Variants in NCKAP5 observed in about 807,000 individuals in gnomAD.
The protein encoded by NCKAP5 is NCK associated protein 5, also known as nck-associated protein 5.
Under a neutral mutation model 167.0 loss-of-function variants are expected in NCKAP5, and 92 were observed. The ratio of observed to expected loss-of-function variants is 0.55; its 90% CI spans 0.47 to 0.66. The LOEUF (loss-of-function observed/expected upper bound fraction) is 0.66, where lower values mean the gene tolerates loss of function less well. Ranked by LOEUF, NCKAP5 falls within the 30% of genes least tolerant of loss-of-function variation. The pLI, the probability that NCKAP5 is intolerant of heterozygous loss-of-function variation, is 0.00. For missense variants in NCKAP5, 2,378 were observed against 2,315.0 expected, an observed-to-expected ratio of 1.03 and a Z score of -0.56; for synonymous variants, 891 against 877.4, an observed-to-expected ratio of 1.02 and a Z score of -0.27.
chr2:132,974,124 G>C (rs1454515867), intron 7 of NCKAP5, among the ~76,000 whole-genome samples: 2 of 152,076 alleles, frequency 1.3e-5, no homozygotes, highest in Admixed American at 6.6e-5. Context: ...GCACTGTAGG[G>C]GGAAAAACTC....
chr2:133,471,545 G>C (rs1290345996), intron 3 of NCKAP5, among the ~76,000 whole-genome samples: 2 of 152,088 alleles, frequency 1.3e-5, no homozygotes, highest in Admixed American at 1.3e-4. Context: ...GAGGGGGGAA[G>C]CAAGCAGGCA....
At chr2:132,778,219 C>T (rs916862240) in intron 15 of NCKAP5, among the ~76,000 whole-genome samples, 10 of 151,910 alleles carry the variant, frequency 6.6e-5, no homozygotes, top group African/African-American at 1.9e-4. Flanking sequence ...AGTAACATGG[C>T]CCTTGTCTAA....
chr2:132,701,367 TTCA>T (rs1350889434), intron 19 of NCKAP5, among the ~76,000 whole-genome samples: 1 of 152,164 alleles, frequency 6.6e-6, no homozygotes, highest in Non-Finnish European at 1.5e-5. Flanking sequence ...TCTGTAACAT[TTCA>T]CTTGAAAAAA....
At chr2:133,066,336 C>T (rs1003629559) in intron 6 of NCKAP5, among the ~76,000 whole-genome samples, 1 of 152,194 alleles carries the variant, frequency 6.6e-6, no homozygotes, top group East Asian at 1.9e-4. Flanking sequence ...TCATCTAAAA[C>T]CCGTCTTCTT....
intron 8 of NCKAP5, among the ~76,000 whole-genome samples, chr2:132,898,951 T>G (rs1347240197): frequency 6.6e-6 from 1 of 152,210 alleles, no homozygotes; most frequent in Admixed American, 6.5e-5. Flanking sequence ...CCAGCTGCAT[T>G]AGTGCCTAAC....
intron 5 of NCKAP5, among the ~76,000 whole-genome samples, chr2:133,159,349 G>C (rs2083697297): frequency 6.6e-6 from 1 of 152,136 alleles, no homozygotes; most frequent in Non-Finnish European, 1.5e-5. Context: ...CCAGAGCCTT[G>C]CAATAAGAGT....
intron 11 of NCKAP5, among the ~76,000 whole-genome samples, chr2:132,830,133 T>G (rs926393411): frequency 6.6e-6 from 1 of 152,230 alleles, no homozygotes; most frequent in African/African-American, 2.4e-5. Flanking sequence ...TGGGCATTAC[T>G]TTCTTTCTAC....
At chr2:132,862,839 G>A (rs1438194060) in intron 10 of NCKAP5, among the ~76,000 whole-genome samples, 4 of 150,608 alleles carry the variant, frequency 2.7e-5, no homozygotes, top group Non-Finnish European at 5.9e-5. Flanking sequence ...ATTTTATTTT[G>A]AGACAGAGTT....
At chr2:133,048,343 C>T (rs566398384) in intron 6 of NCKAP5, among the ~76,000 whole-genome samples, 2 of 152,190 alleles carry the variant, frequency 1.3e-5, no homozygotes, top group East Asian at 1.9e-4. Flanking sequence ...ATTAAATGTG[C>T]CTGGCATATA....
chr2:133,183,217 C>A (rs1427691786), intron 5 of NCKAP5, among the ~76,000 whole-genome samples: 2 of 152,032 alleles, frequency 1.3e-5, no homozygotes, highest in African/African-American at 2.4e-5. Context: ...TTTATACAAT[C>A]TCTTTCAGAA....
chr2:133,637,537 A>T, the NCKAP5 span, among the ~76,000 whole-genome samples: 1 of 151,212 alleles, frequency 6.6e-6, no homozygotes, highest in African/African-American at 2.4e-5. Flanking sequence ...TGAAAAAGAA[A>T]CAAATTGGAC....
At chr2:132,689,001 A>G (rs1686354054) in intron 19 of NCKAP5, among the ~76,000 whole-genome samples, 1 of 151,356 alleles carries the variant, frequency 6.6e-6, no homozygotes, top group Non-Finnish European at 1.5e-5. Context: ...AAAAAAAAAA[A>G]AAAAGCCTCT....
chr2:133,328,417 A>C (rs1682603549), intron 3 of NCKAP5, among the ~76,000 whole-genome samples: 1 of 152,228 alleles, frequency 6.6e-6, no homozygotes, highest in Admixed American at 6.5e-5. Context: ...GAATCAAGAG[A>C]TTTAAAACTT....
chr2:132,796,253 A>G (rs1443811383), intron 12 of NCKAP5, among the ~76,000 whole-genome samples: 1 of 152,228 alleles, frequency 6.6e-6, no homozygotes, highest in African/African-American at 2.4e-5. Flanking sequence ...AGAGAAAAAA[A>G]ATGCAGAGCC....
chr2:133,146,545 C>T (rs545300001), intron 5 of NCKAP5, among the ~76,000 whole-genome samples: 59 of 152,186 alleles, frequency 3.9e-4, no homozygotes, highest in African/African-American at 1.3e-3. Context: ...CATTTGCCTT[C>T]AAATTATTTG....
intron 6 of NCKAP5, among the ~76,000 whole-genome samples, chr2:133,044,217 A>G (rs1243810494): frequency 2.6e-5 from 4 of 152,218 alleles, no homozygotes; most frequent in Non-Finnish European, 4.4e-5. Flanking sequence ...GCAGAAGTAC[A>G]AATAGCAAAG....
At chr2:132,871,040 TA>T (rs1690775413) in intron 9 of NCKAP5, among the ~76,000 whole-genome samples, 1 of 152,232 alleles carries the variant, frequency 6.6e-6, no homozygotes, top group Non-Finnish European at 1.5e-5. Flanking sequence ...ACTATGATTT[TA>T]AATAAAATGT....
At chr2:133,082,754 C>T (rs2080853640) in intron 6 of NCKAP5, among the ~76,000 whole-genome samples, 1 of 152,092 alleles carries the variant, frequency 6.6e-6, no homozygotes, top group Non-Finnish European at 1.5e-5. Context: ...TGAGCTAATG[C>T]CTCCTGTGAT....
At chr2:133,382,293 T>G (rs578079935) in intron 3 of NCKAP5, among the ~76,000 whole-genome samples, 4 of 152,326 alleles carry the variant, frequency 2.6e-5, no homozygotes, top group South Asian at 4.1e-4. Flanking sequence ...TGGCTTAGTC[T>G]TCTGCAATAG....
Sources: allele counts gnomAD v4.1 joint callset (sites outside exome capture counted in the v4.1 genomes callset), GRCh38; gene constraint gnomAD v4.1.1; transcripts MANE v1.5; gene names NCBI Gene and HGNC (gene_info 2026-07-23, HGNC 2026-07-21).